PLXDC2: variants seen among roughly 807,000 people sequenced by gnomAD.
PLXDC2 encodes plexin domain-containing protein 2.
PLXDC2 carries 40 observed loss-of-function variants against 68.9 expected under a neutral mutation model. The ratio of observed to expected loss-of-function variants is 0.58; its 90% confidence interval spans 0.45 to 0.76. PLXDC2 has a LOEUF of 0.76. PLXDC2 is among the 30% of genes least tolerant of loss of function. The probability of loss-of-function intolerance (pLI) is 0.00; values close to 1 mark genes in which losing one functional copy is unlikely to be tolerated. For synonymous variants in PLXDC2, 243 were observed against 234.2 expected, an observed-to-expected ratio of 1.04 and a Z score of -0.34; for missense variants, 644 against 661.9, an observed-to-expected ratio of 0.97 and a Z score of 0.30.
chr10:20,119,366 G>A (rs1833664597), intron 4 of PLXDC2, among the ~76,000 whole-genome samples: 1 of 151,984 alleles, frequency 6.6e-6, no homozygotes, highest in Non-Finnish European at 1.5e-5. Flanking sequence ...GGAAAAAGGG[G>A]GTTGTTCTCT....
At chr10:20,143,783 CATAAT>C (rs1440208813) in intron 5 of PLXDC2, among the ~76,000 whole-genome samples, 2 of 151,946 alleles carry the variant, frequency 1.3e-5, no homozygotes, top group African/African-American at 4.8e-5. Flanking sequence ...AGGCAAGTGC[CATAAT>C]ATATTGACAT....
At chr10:19,960,350 T>A (rs370813929) in intron 1 of PLXDC2, among the ~76,000 whole-genome samples, 2 of 151,930 alleles carry the variant, frequency 1.3e-5, no homozygotes, top group South Asian at 4.2e-4. Context: ...GGTGACTGAG[T>A]GAGACCCTGT....
chr10:19,897,239 G>GTT (rs144184807), intron 1 of PLXDC2, among the ~76,000 whole-genome samples: 32,007 of 139,678 alleles, frequency 0.23, 3,809 homozygotes, highest in South Asian at 0.36. Flanking sequence ...TTTTTTTTTT[G>GTT]TTTTTTTTTG....
At chr10:20,000,203 G>A (rs1834910530) in intron 1 of PLXDC2, among the ~76,000 whole-genome samples, 2 of 151,892 alleles carry the variant, frequency 1.3e-5, no homozygotes, top group Admixed American at 6.6e-5. Context: ...GCTTAGATGT[G>A]CTTATTAAAC....
intron 5 of PLXDC2, among the ~76,000 whole-genome samples, chr10:20,146,488 T>TTCCTTCCTTCC (rs1554769785): frequency 2.5e-4 from 20 of 81,402 alleles, no homozygotes; most frequent in African/African-American, 7.8e-4. Context: ...TTCTTTTCTT[T>TTCCTTCCTTCC]TTCCTTCCTT....
At chr10:19,867,768 C>T (rs1384566373) in intron 1 of PLXDC2, among the ~76,000 whole-genome samples, 2 of 152,082 alleles carry the variant, frequency 1.3e-5, no homozygotes, top group Non-Finnish European at 2.9e-5. Flanking sequence ...TCGGGGTATT[C>T]TCAATGTGCG....
At chr10:20,061,931 GA>G (rs1307095104) in intron 3 of PLXDC2, among the ~76,000 whole-genome samples, 3 of 152,108 alleles carry the variant, frequency 2.0e-5, no homozygotes, top group Non-Finnish European at 2.9e-5. Flanking sequence ...TATTTATTAG[GA>G]ATCAAATAAG....
intron 12 of PLXDC2, among the ~76,000 whole-genome samples, chr10:20,244,495 T>C (rs1048729580): frequency 2.6e-5 from 4 of 152,350 alleles, no homozygotes; most frequent in Middle Eastern, 3.4e-3. Flanking sequence ...ATCAAAACTA[T>C]TTGAGGGTCA....
chr10:20,012,354 G>A (rs1165080339), intron 2 of PLXDC2, among the ~76,000 whole-genome samples: 1 of 93,740 alleles, frequency 1.1e-5, no homozygotes, highest in East Asian at 3.7e-4. Flanking sequence ...GACTTGCTGT[G>A]TTTCCCAGGC....
chr10:19,947,194 G>A (rs954404246), intron 1 of PLXDC2, among the ~76,000 whole-genome samples: 4 of 152,204 alleles, frequency 2.6e-5, no homozygotes, highest in Non-Finnish European at 4.4e-5. Context: ...CCTAGAGCCT[G>A]TAGAAAAATG....
intron 1 of PLXDC2, among the ~76,000 whole-genome samples, chr10:19,913,363 C>T (rs7896099): frequency 0.19 from 28,191 of 152,020 alleles, 4,141 homozygotes; most frequent in African/African-American, 0.4. Flanking sequence ...CCTGAGACCT[C>T]CCCAGCTATG....
At chr10:20,238,466 G>A (rs1011109782) in intron 12 of PLXDC2, among the ~76,000 whole-genome samples, 1 of 150,094 alleles carries the variant, frequency 6.7e-6, no homozygotes, top group South Asian at 2.1e-4. Context: ...GGCCAACAGG[G>A]TGAAACCCCG....
At chr10:20,178,666 A>C (rs1201719377) in intron 9 of PLXDC2, among the ~76,000 whole-genome samples, 1 of 152,114 alleles carries the variant, frequency 6.6e-6, no homozygotes, top group Non-Finnish European at 1.5e-5. Flanking sequence ...AATACTTTAA[A>C]ACTTATTGAA....
intron 1 of PLXDC2, among the ~76,000 whole-genome samples, chr10:19,949,063 G>A (rs147603354): frequency 2.2e-4 from 29 of 133,676 alleles, no homozygotes; most frequent in African/African-American, 7.3e-4. Flanking sequence ...GGAGGCAGAG[G>A]TTGCAGTGAA....
At chr10:19,853,585 G>A (rs1169715199) in intron 1 of PLXDC2, among the ~76,000 whole-genome samples, 25 of 145,118 alleles carry the variant, frequency 1.7e-4, no homozygotes, top group Admixed American at 1.6e-3. Context: ...TTTCCCCTTC[G>A]AGTTTCTATC....
intron 13 of PLXDC2, among the ~76,000 whole-genome samples, chr10:20,271,132 G>GACACACACACATACACACACACAC (rs372504677): frequency 6.1e-5 from 6 of 97,856 alleles, no homozygotes; most frequent in African/African-American, 1.6e-4. Context: ...ACAAAAAACA[G>GACACACACACATACACACACACAC]ACACACACAC....
At chr10:19,911,880 G>A (rs1833277729) in intron 1 of PLXDC2, among the ~76,000 whole-genome samples, 1 of 152,114 alleles carries the variant, frequency 6.6e-6, no homozygotes, top group South Asian at 2.1e-4. Flanking sequence ...TGAATAGATC[G>A]ATACATATTT....
At chr10:20,057,027 T>C (rs1386087297) in intron 3 of PLXDC2, among the ~76,000 whole-genome samples, 3 of 152,194 alleles carry the variant, frequency 2.0e-5, no homozygotes, top group East Asian at 1.9e-4. Flanking sequence ...AGGTATTTAC[T>C]CTGCCTTTCA....
intron 1 of PLXDC2, among the ~76,000 whole-genome samples, chr10:19,999,567 A>G (rs1310281182): frequency 2.0e-5 from 3 of 152,070 alleles, no homozygotes; most frequent in African/African-American, 4.8e-5. Context: ...AGGATCCTGC[A>G]TGGGTTTTCA....
Sources: allele counts gnomAD v4.1 joint callset (sites outside exome capture counted in the v4.1 genomes callset), GRCh38; gene constraint gnomAD v4.1.1; transcripts MANE v1.5; gene names NCBI Gene and HGNC (gene_info 2026-07-23, HGNC 2026-07-21).